FBXL20: variants seen among roughly 807,000 people sequenced by gnomAD.
FBXL20 encodes F-box and leucine rich repeat protein 20.
In FBXL20, 11 loss-of-function variants were observed where a neutral mutation model predicts 64.0. That is an observed-to-expected ratio of 0.17 (90% CI 0.11 to 0.28). The LOEUF (loss-of-function observed/expected upper bound fraction) is 0.28. FBXL20 is among the 10% of genes least tolerant of loss of function. The pLI is 1.00. For missense variants in FBXL20, 303 were observed against 526.2 expected, an observed-to-expected ratio of 0.58 and a Z score of 4.15; for synonymous variants, 184 against 189.0, an observed-to-expected ratio of 0.97 and a Z score of 0.22.
chr17:39,322,228 C>T (rs2047364002), intron 2 of FBXL20, among the ~76,000 whole-genome samples: 1 of 147,198 alleles, frequency 6.8e-6, no homozygotes, highest in African/African-American at 2.5e-5. Flanking sequence ...TTCATGTGTG[C>T]ATATGTGTTT....
intron 1 of FBXL20, among the ~76,000 whole-genome samples, chr17:39,383,879 C>T (rs569475326): frequency 2.6e-4 from 40 of 151,922 alleles, no homozygotes; most frequent in Non-Finnish European, 5.1e-4. Flanking sequence ...CGTGAGCCAC[C>T]GTGCCGGGCT....
chr17:39,274,822 G>A (rs2046875543), intron 10 of FBXL20, 148 bp downstream of exon 10: 1 of 918,688 alleles, frequency 1.1e-6, no homozygotes, highest in Admixed American at 3.0e-5. Flanking sequence ...GGTACAAAAA[G>A]GAAGTAGGTG....
At chr17:39,356,202 G>A (rs899967285) in intron 1 of FBXL20, among the ~76,000 whole-genome samples, 19 of 133,104 alleles carry the variant, frequency 1.4e-4, no homozygotes, top group South Asian at 2.3e-4. Context: ...GCGACAGAGC[G>A]AGACTCCATC....
intron 1 of FBXL20, among the ~76,000 whole-genome samples, chr17:39,394,930 A>C (rs2048168546): frequency 1.3e-5 from 2 of 152,162 alleles, no homozygotes; most frequent in Non-Finnish European, 2.9e-5. Flanking sequence ...AGAAACAGTA[A>C]TCTAAAGAGT....
intron 6 of FBXL20, among the ~76,000 whole-genome samples, chr17:39,291,105 G>T (rs1360761783): frequency 1.3e-5 from 2 of 151,748 alleles, no homozygotes; most frequent in East Asian, 3.9e-4. Context: ...GGGACTACAG[G>T]AGCCTGCCAC....
chr17:39,394,090 T>C (rs1198014973), intron 1 of FBXL20, among the ~76,000 whole-genome samples: 1 of 152,182 alleles, frequency 6.6e-6, no homozygotes, highest in Non-Finnish European at 1.5e-5. Context: ...TTAGTCTCAC[T>C]AAGTCTGGAA....
intron 12 of FBXL20, among the ~76,000 whole-genome samples, chr17:39,267,113 G>A (rs1296880558): frequency 4.6e-5 from 7 of 151,640 alleles, no homozygotes; most frequent in African/African-American, 9.7e-5. Flanking sequence ...CTAGCCGGGC[G>A]TGGTGGCAGG....
At position 39,324,015 on chromosome 17, in the gene FBXL20, C is replaced by T. The variant is rs1192968939; in HGVS notation, c.104+19165G>A. On this transcript the variant is annotated intron_variant, in intron 2 of 14. Transcript: ENST00000264658. ...TCCTGACCTCGTGATCCAACCCCCT[C>T]CCCCCCCCACCCCCTGGCCTCCCAA... is the stretch of plus-strand genomic sequence containing the variant. Among the ~76,000 whole-genome samples, 13 of 123,336 alleles carry T rather than the reference C, an allele frequency of 1.1e-4. 1 individual carries two copies. Among genetic ancestry groups the T allele is most frequent in the African/African-American group, 3.8e-4 (11 of 28,910 alleles). 80.9% of individuals were successfully genotyped at this position (123,336 alleles called of 152,430 possible).
At chr17:39,279,331 C>T (rs2144380905) in intron 9 of FBXL20, among the ~76,000 whole-genome samples, 1 of 151,218 alleles carries the variant, frequency 6.6e-6, no homozygotes, top group South Asian at 2.1e-4. Context: ...GACCCTATCT[C>T]TACAAAAAAA....
intron 2 of FBXL20, among the ~76,000 whole-genome samples, chr17:39,337,877 G>C (rs1267961849): frequency 1.3e-5 from 2 of 150,820 alleles, no homozygotes; most frequent in African/African-American, 4.9e-5. Flanking sequence ...AGGGGGTCAG[G>C]CCCCGCCCGG....
At chr17:39,291,189 C>T (rs575420605) in intron 6 of FBXL20, among the ~76,000 whole-genome samples, 193 of 151,844 alleles carry the variant, frequency 1.3e-3, no homozygotes, top group Non-Finnish European at 2.4e-3. Context: ...TCTCCATCTC[C>T]TGACCTCGTG....
intron 7 of FBXL20, 104 bp downstream of exon 7, chr17:39,285,374 A>G (rs2046979893): frequency 1.5e-6 from 1 of 654,114 alleles, no homozygotes; most frequent in African/African-American, 1.8e-5. Flanking sequence ...TATAGAATAT[A>G]TCCATAAAAC....
intron 1 of FBXL20, among the ~76,000 whole-genome samples, chr17:39,356,952 T>TCGTACC (rs2047747547): frequency 6.7e-6 from 1 of 149,508 alleles, no homozygotes; most frequent in Admixed American, 6.6e-5. Flanking sequence ...GCATGAGCTA[T>TCGTACC]CGTACCCAGC....
chr17:39,272,331 A>C (rs969136855), intron 10 of FBXL20, among the ~76,000 whole-genome samples: 1 of 151,484 alleles, frequency 6.6e-6, no homozygotes, highest in Admixed American at 6.6e-5. Context: ...GTTTGCAGTG[A>C]GCTGAGGTCA....
rs1491465024 is a variant in FBXL20 at position 39,344,632 on chromosome 17, A to AG, written c.43-1392_43-1391insC. ...GAAACCCCATCTCTACTAAAAATAC[A>AG]AAAAAAAGTACGCAGGTGTGGTGGC... On this transcript the variant is annotated intron_variant, in intron 1 of 14. Coordinates refer to ENST00000264658, the MANE Select transcript of FBXL20 (RefSeq NM_032875.3). 6.1e-5 allele frequency among the ~76,000 whole-genome samples: 5 copies of AG among 81,868 alleles called. No homozygotes were observed. In the East Asian group the frequency reaches 1.4e-3, roughly 23 times the overall value. The allele number at this position is 81,868 out of a possible 152,430, so 53.7% of individuals were successfully genotyped here. A position where few individuals can be genotyped will look rare whatever the true frequency, so the allele number is the denominator to read the frequency against.
chr17:39,338,257 G>C (rs1455881590), intron 2 of FBXL20, among the ~76,000 whole-genome samples: 4 of 152,218 alleles, frequency 2.6e-5, no homozygotes, highest in African/African-American at 9.7e-5. Context: ...TGTGCTCTCT[G>C]AAACATGTGC....
intron 6 of FBXL20, among the ~76,000 whole-genome samples, chr17:39,286,905 ATTTCT>A (rs968454041): frequency 7.9e-6 from 1 of 127,174 alleles, no homozygotes; most frequent in African/African-American, 3.0e-5. Flanking sequence ...TTCAGTATCT[ATTTCT>A]TTTTTTTTTT....
chr17:39,364,203 T>C (rs1012668818), intron 1 of FBXL20, among the ~76,000 whole-genome samples: 7 of 152,164 alleles, frequency 4.6e-5, no homozygotes, highest in Non-Finnish European at 1.0e-4. Flanking sequence ...CAATGAATCA[T>C]ATCTTTGTGG....
At chr17:39,271,300 T>TA (rs886212203) in intron 10 of FBXL20, among the ~76,000 whole-genome samples, 25 of 151,914 alleles carry the variant, frequency 1.6e-4, no homozygotes, top group South Asian at 4.2e-4. Flanking sequence ...TAAATTGCTT[T>TA]AAAAAAAATG....
Sources: gnomAD v4.1 joint callset for allele counts (sites outside exome capture counted in the v4.1 genomes callset) on GRCh38, gnomAD v4.1.1 for gene constraint, MANE v1.5 for transcripts, NCBI Gene and HGNC (gene_info 2026-07-23, HGNC 2026-07-21) for gene names.